MED15: variants seen among roughly 807,000 people sequenced by gnomAD.
The protein encoded by MED15 is mediator complex subunit 15, also known as mediator of RNA polymerase II transcription subunit 15.
MED15 carries 41 observed loss-of-function variants against 118.7 expected under a neutral mutation model. That is an observed-to-expected ratio of 0.35 (90% CI 0.27 to 0.45). MED15 has a LOEUF of 0.45. Among genes scored for constraint, MED15 ranks in the 20% least tolerant of loss-of-function variants. The pLI is 1.00. For synonymous variants in MED15, 436 were observed against 413.9 expected, an observed-to-expected ratio of 1.05 and a Z score of -0.65; for missense variants, 740 against 1,025.5, an observed-to-expected ratio of 0.72 and a Z score of 3.80.
chr22:20,508,020 T>G, intron 1 of MED15: 1 of 1,408,284 alleles, frequency 7.1e-7, no homozygotes, highest in Non-Finnish European at 9.2e-7. Context: ...TTTGTGTGCT[T>G]TGGGTGCAGA....
At position 20,584,849 on chromosome 22, in the gene MED15, C is replaced by A; in HGVS notation, c.1804-6C>A. On this transcript the variant is annotated splice_polypyrimidine_tract_variant and splice_region_variant and intron_variant, in intron 14 of 17. Coordinates refer to ENST00000263205, the MANE Select transcript of MED15 (RefSeq NM_001003891.3). ...GGGCTGCTGACCGTGCCCATCCTGT[C>A]TCCAGCCCACTCCCCCACCGCCCCC... The A allele has an allele frequency of 6.2e-7, 1 of 1,611,314 alleles. No homozygotes were observed. The highest frequency in any genetic ancestry group is 8.5e-7 in the Non-Finnish European group (1 of 1,179,890).
Position 20,507,678 on chromosome 22 carries a change from C to T in MED15, c.-1C>T, listed in dbSNP as rs2053915107. The T allele has an allele frequency of 1.2e-6, 2 of 1,614,048 alleles. No individual in the cohort carries two copies. Among genetic ancestry groups the T allele is most frequent in the East Asian group, 2.2e-5 (1 of 44,886 alleles). On this transcript the variant is annotated 5_prime_UTR_variant, in exon 1 of 18. Transcript: ENST00000263205. ...CGGGCGGCGGGAGCTGGGGAACAGGCATGGACGTTTCCGGGCAAGAGACCG... is the reference window on the plus strand; with the variant it reads ...CGGGCGGCGGGAGCTGGGGAACAGGTATGGACGTTTCCGGGCAAGAGACCG...
chr22:20,569,046 C>A (rs894142621), intron 8 of MED15, among the ~76,000 whole-genome samples: 5 of 152,314 alleles, frequency 3.3e-5, no homozygotes, highest in African/African-American at 9.6e-5. Context: ...ATGGGAGCCA[C>A]ATGCAGCAGG....
In MED15 at chr22:20,587,506, A is replaced by C; in HGVS notation, c.*802A>C. On this transcript the variant is annotated 3_prime_UTR_variant, in exon 18 of 18. Transcript: ENST00000263205. ...CGGGCCATGCAGGGAGCGCCTCCCT[A>C]TGTTGCCTGCCACTCTGGGCACCGG... The C allele has an allele frequency of 3.9e-6, 1 of 256,968 alleles. No homozygotes were observed. The allele number at this position is 256,968 out of a possible 1,614,324, so 15.9% of individuals were successfully genotyped here. A position where few individuals can be genotyped will look rare whatever the true frequency, so the allele number is the denominator to read the frequency against.
chr22:20,567,677 C>T (rs986742540), intron 7 of MED15, among the ~76,000 whole-genome samples: 1 of 152,026 alleles, frequency 6.6e-6, no homozygotes, highest in African/African-American at 2.4e-5. Flanking sequence ...GCCCTAGTGG[C>T]TTGGAGATGT....
chr22:20,523,687 A>C, intron 1 of MED15: 3 of 985,372 alleles, frequency 3.0e-6, no homozygotes, highest in Non-Finnish European at 3.6e-6. Flanking sequence ...GGCGAGACCT[A>C]GGGGAGCCCC....
intron 8 of MED15, among the ~76,000 whole-genome samples, chr22:20,570,643 A>G (rs1322536466): frequency 4.0e-5 from 6 of 150,300 alleles, no homozygotes; most frequent in Non-Finnish European, 8.9e-5. Context: ...CACCCGCCTC[A>G]GCCTCCCAAA....
intron 9 of MED15, among the ~76,000 whole-genome samples, chr22:20,575,469 G>A (rs546923136): frequency 5.3e-5 from 8 of 151,602 alleles, no homozygotes; most frequent in Admixed American, 2.6e-4. Context: ...TATACTGTAC[G>A]CATTTTCATG....
At chr22:20,568,740 T>G in intron 8 of MED15, 109 bp downstream of exon 8, 1 of 1,502,406 alleles carries the variant, frequency 6.7e-7, no homozygotes. Context: ...GGGGGCTAAG[T>G]TGGTAAAGCA....
chr22:20,561,316 T>A (rs1162690100), intron 5 of MED15, among the ~76,000 whole-genome samples: 1 of 152,062 alleles, frequency 6.6e-6, no homozygotes, highest in African/African-American at 2.4e-5. Flanking sequence ...GTCAGGAGAT[T>A]GAGGCGATCC....
intron 9 of MED15, among the ~76,000 whole-genome samples, chr22:20,577,630 G>A (rs1189300170): frequency 6.6e-6 from 1 of 151,948 alleles, no homozygotes; most frequent in Non-Finnish European, 1.5e-5. Context: ...TAAATGCCAT[G>A]GAGAATTCTG....
At chr22:20,550,491 A>G (rs2055724401) in intron 2 of MED15, among the ~76,000 whole-genome samples, 1 of 152,268 alleles carries the variant, frequency 6.6e-6, no homozygotes, top group Non-Finnish European at 1.5e-5. Context: ...ACCACTTTTC[A>G]TCATCCTTCC....
intron 1 of MED15, among the ~76,000 whole-genome samples, chr22:20,528,939 T>C (rs904488096): frequency 6.6e-6 from 1 of 152,108 alleles, no homozygotes; most frequent in African/African-American, 2.4e-5. Flanking sequence ...GAGTGAGGGA[T>C]GCAGGGATAT....
In MED15 at chr22:20,583,532, ACT is replaced by A. The variant is rs1047788694; in HGVS notation, c.1736+142_1736+143del. The A allele has an allele frequency of 1.9e-5, 19 of 987,198 alleles. No homozygotes were observed. The African/African-American group carries it at 2.3e-4, about 12-fold the overall frequency. 61.2% of individuals were successfully genotyped at this position (987,198 alleles called of 1,614,324 possible). On this transcript the variant is annotated intron_variant, in intron 13 of 17. Coordinates refer to ENST00000263205, the MANE Select transcript of MED15 (RefSeq NM_001003891.3). ...CCTGGCCAGAGGCCTCCAAGGCTCCACTCTGGTGTGTGCTGGGGCTTCAAGCC... is the reference window on the plus strand; with the variant it reads ...CCTGGCCAGAGGCCTCCAAGGCTCCACTGGTGTGTGCTGGGGCTTCAAGCC...
intron 1 of MED15, among the ~76,000 whole-genome samples, chr22:20,534,781 A>C (rs2054995864): frequency 6.6e-6 from 1 of 151,702 alleles, no homozygotes. Flanking sequence ...CTTCCCCAGG[A>C]CTCTGACCCA....
chr22:20,549,152 T>C (rs12484992), intron 2 of MED15, among the ~76,000 whole-genome samples: 9,205 of 152,266 alleles, frequency 0.06, 643 homozygotes, highest in East Asian at 0.38. Flanking sequence ...CTGGATGTGT[T>C]AGTAGTACCT....
intron 5 of MED15, among the ~76,000 whole-genome samples, chr22:20,558,584 T>G (rs1324014152): frequency 6.6e-6 from 1 of 152,186 alleles, no homozygotes; most frequent in East Asian, 1.9e-4. Flanking sequence ...ACTGGGGTGC[T>G]GAGGACATGT....
In MED15 at chr22:20,554,918, GC is replaced by G; in HGVS notation, c.239-15del. On this transcript the variant is annotated splice_polypyrimidine_tract_variant and intron_variant, in intron 4 of 17. Transcript: ENST00000263205. The stretch of plus-strand genomic sequence containing the variant: ...GGTAGGCCCTTTCCTGAGAAGCTCT[GC>G]CCTTGTGTTCCCACAGATCCTATGA... The G allele has an allele frequency of 1.3e-6, 2 of 1,586,364 alleles. No homozygotes were observed. The highest frequency in any genetic ancestry group is 1.1e-5 in the South Asian group (1 of 87,744).
At chr22:20,550,686 C>T (rs959676153) in intron 2 of MED15, among the ~76,000 whole-genome samples, 7 of 152,398 alleles carry the variant, frequency 4.6e-5, no homozygotes, top group Middle Eastern at 3.4e-3. Flanking sequence ...CCTCAGACAT[C>T]CGTGTATTGA....
Sources: gnomAD v4.1 joint callset for allele counts (sites outside exome capture counted in the v4.1 genomes callset) on GRCh38, gnomAD v4.1.1 for gene constraint, MANE v1.5 for transcripts, NCBI Gene and HGNC (gene_info 2026-07-23, HGNC 2026-07-21) for gene names.